Variants in PLXNA4 observed in about 807,000 individuals in gnomAD.
The protein encoded by PLXNA4 is plexin-A4.
Under a neutral mutation model 191.8 loss-of-function variants are expected in PLXNA4, and 44 were observed. That is an observed-to-expected ratio of 0.23 (90% CI 0.18 to 0.29). The LOEUF is 0.29. Among genes scored for constraint, PLXNA4 ranks in the 10% least tolerant of loss-of-function variants. PLXNA4 has a pLI of 1.00. For synonymous variants in PLXNA4, 1,082 were observed against 1,009.5 expected, an observed-to-expected ratio of 1.07 and a Z score of -1.36; for missense variants, 1,800 against 2,488.8, an observed-to-expected ratio of 0.72 and a Z score of 5.89.
chr7:132,295,749 C>T (rs1801053876), intron 4 of PLXNA4, among the ~76,000 whole-genome samples: 1 of 152,136 alleles, frequency 6.6e-6, no homozygotes, highest in African/African-American at 2.4e-5. Flanking sequence ...CCAGCCCCTG[C>T]CTGACTCTAA....
At chr7:132,520,915 C>T (rs1458547797) in intron 1 of PLXNA4, among the ~76,000 whole-genome samples, 4 of 152,250 alleles carry the variant, frequency 2.6e-5, no homozygotes, top group Admixed American at 2.0e-4. Context: ...GGCAGGGCTT[C>T]TGTTGTCACC....
At chr7:132,149,237 T>A (rs1475266135) in intron 25 of PLXNA4, among the ~76,000 whole-genome samples, 1 of 152,216 alleles carries the variant, frequency 6.6e-6, no homozygotes, top group Admixed American at 6.5e-5. Context: ...CTGCAAAGTT[T>A]ATGTAAATGA....
intron 3 of PLXNA4, among the ~76,000 whole-genome samples, chr7:132,323,710 T>C (rs1380933981): frequency 6.6e-6 from 1 of 152,200 alleles, no homozygotes; most frequent in African/African-American, 2.4e-5. Context: ...GCTTCTGGGT[T>C]CTGCAAAACA....
intron 30 of PLXNA4, among the ~76,000 whole-genome samples, chr7:132,136,202 C>T (rs1252567693): frequency 6.6e-6 from 1 of 152,192 alleles, no homozygotes; most frequent in Non-Finnish European, 1.5e-5. Flanking sequence ...CCTTCTCGCT[C>T]CTGTTGTGCC....
At chr7:132,349,381 G>T (rs1304823338) in intron 3 of PLXNA4, among the ~76,000 whole-genome samples, 1 of 152,148 alleles carries the variant, frequency 6.6e-6, no homozygotes, top group Non-Finnish European at 1.5e-5. Context: ...GGGGCTGGTG[G>T]GGTCGGAGGA....
At chr7:132,365,412 T>A (rs770932933) in intron 3 of PLXNA4, among the ~76,000 whole-genome samples, 45 of 146,970 alleles carry the variant, frequency 3.1e-4, no homozygotes, top group Non-Finnish European at 5.5e-4. Context: ...GGGGTTAGGC[T>A]GAAAGTCAGA....
intron 1 of PLXNA4, among the ~76,000 whole-genome samples, chr7:132,575,827 T>C (rs1301541240): frequency 6.6e-6 from 1 of 152,162 alleles, no homozygotes; most frequent in Non-Finnish European, 1.5e-5. Context: ...AAACGCAGTG[T>C]CTGTTTCATA....
chr7:132,187,856 A>G (rs1369103484), intron 14 of PLXNA4, among the ~76,000 whole-genome samples: 2 of 152,178 alleles, frequency 1.3e-5, no homozygotes, highest in African/African-American at 4.8e-5. Flanking sequence ...TTTAAGTGTC[A>G]GATTGTACAT....
chr7:132,177,808 A>T (rs1796526361), intron 20 of PLXNA4, among the ~76,000 whole-genome samples: 2 of 152,260 alleles, frequency 1.3e-5, no homozygotes, highest in South Asian at 4.1e-4. Context: ...AATAAAAGGC[A>T]GTAATTAACA....
intron 3 of PLXNA4, among the ~76,000 whole-genome samples, chr7:132,401,088 CAT>C (rs1563078245): frequency 6.6e-6 from 1 of 152,158 alleles, no homozygotes; most frequent in African/African-American, 2.4e-5. Flanking sequence ...CATATCTACA[CAT>C]GTGATAAAAT....
At chr7:132,182,266 G>A in intron 16 of PLXNA4, 76 bp from the exon 17 acceptor site, 1 of 1,576,966 alleles carries the variant, frequency 6.3e-7, no homozygotes, top group African/African-American at 1.3e-5. Flanking sequence ...TGATGACTGA[G>A]CTATGACAAT....
chr7:132,412,460 G>A (rs1794499138), intron 3 of PLXNA4, among the ~76,000 whole-genome samples: 2 of 152,220 alleles, frequency 1.3e-5, no homozygotes, highest in South Asian at 4.1e-4. Context: ...GGGCAAAGAC[G>A]AAGGGAGCAG....
intron 3 of PLXNA4, among the ~76,000 whole-genome samples, chr7:132,314,046 C>A (rs1439660090): frequency 6.6e-6 from 1 of 152,176 alleles, no homozygotes; most frequent in Non-Finnish European, 1.5e-5. Flanking sequence ...AGGCTCCATG[C>A]ATGACCCAAC....
At chr7:132,252,024 C>A (rs1033954135) in intron 4 of PLXNA4, among the ~76,000 whole-genome samples, 1 of 152,148 alleles carries the variant, frequency 6.6e-6, no homozygotes, top group Admixed American at 6.5e-5. Context: ...GAGGCAGAGA[C>A]GACAGATGAC....
chr7:132,586,547 T>C (rs923246591), intron 2 of PLXNA4, among the ~76,000 whole-genome samples: 2 of 152,120 alleles, frequency 1.3e-5, no homozygotes, highest in African/African-American at 4.8e-5. Context: ...GCTCAGGAGT[T>C]CAAGACCAGC....
At chr7:132,434,005 G>A (rs1795372242) in intron 3 of PLXNA4, among the ~76,000 whole-genome samples, 1 of 152,216 alleles carries the variant, frequency 6.6e-6, no homozygotes, top group South Asian at 2.1e-4. Flanking sequence ...AGCATGTTCA[G>A]CACCTACTAG....
chr7:132,183,991 C>A (rs540984938), intron 16 of PLXNA4, among the ~76,000 whole-genome samples: 1 of 152,148 alleles, frequency 6.6e-6, no homozygotes, highest in Non-Finnish European at 1.5e-5. Context: ...CATGGCTGTG[C>A]GCCAATAAAA....
intron 25 of PLXNA4, among the ~76,000 whole-genome samples, chr7:132,158,150 CA>C (rs1262309442): frequency 6.6e-6 from 1 of 152,178 alleles, no homozygotes; most frequent in East Asian, 1.9e-4. Context: ...CACCTTCAGC[CA>C]AGAGCCAAGA....
intron 3 of PLXNA4, among the ~76,000 whole-genome samples, chr7:132,427,465 G>A (rs563129979): frequency 1.3e-5 from 2 of 152,320 alleles, no homozygotes; most frequent in African/African-American, 4.8e-5. Flanking sequence ...CTACACAGCA[G>A]AATGGACAGG....
Sources: gnomAD v4.1 joint callset for allele counts (sites outside exome capture counted in the v4.1 genomes callset) on GRCh38, gnomAD v4.1.1 for gene constraint, MANE v1.5 for transcripts, NCBI Gene and HGNC (gene_info 2026-07-23, HGNC 2026-07-21) for gene names.